The following ROBO2 variants were observed in gnomAD, a reference collection of about 807,000 sequenced individuals.
ROBO2 encodes roundabout guidance receptor 2, also known as roundabout homolog 2.
In ROBO2, 53 loss-of-function variants were observed where a neutral mutation model predicts 160.8. The ratio of observed to expected loss-of-function variants is 0.33; its 90% CI spans 0.26 to 0.41. The LOEUF (loss-of-function observed/expected upper bound fraction) is 0.41. ROBO2 is among the 10% of genes least tolerant of loss of function. The probability of loss-of-function intolerance (pLI) is 1.00; values close to 1 mark genes in which losing one functional copy is unlikely to be tolerated. For missense variants in ROBO2, 1,577 were observed against 1,722.4 expected (o/e 0.92, Z 1.49); for synonymous variants, 664 against 611.7 (o/e 1.09, Z -1.26).
intron 2 of ROBO2, among the ~76,000 whole-genome samples, chr3:76,650,267 G>A (rs17745164): frequency 0.2 from 30,984 of 152,036 alleles, 3,328 homozygotes; most frequent in Middle Eastern, 0.23. Flanking sequence ...TACAATGACC[G>A]CCTGTTTGTA....
intron 2 of ROBO2, among the ~76,000 whole-genome samples, chr3:77,249,084 T>C (rs2090069746): frequency 1.3e-5 from 2 of 152,050 alleles, no homozygotes; most frequent in South Asian, 2.1e-4. Context: ...ACTCCCGACC[T>C]CAGGTGATCC....
intron 2 of ROBO2, among the ~76,000 whole-genome samples, chr3:76,123,548 T>C (rs2070840743): frequency 1.3e-5 from 2 of 152,312 alleles, no homozygotes; most frequent in African/African-American, 4.8e-5. Flanking sequence ...AACTGGTTTA[T>C]GGAAATATTA....
intron 2 of ROBO2, among the ~76,000 whole-genome samples, chr3:76,114,135 T>C (rs917691293): frequency 6.6e-6 from 1 of 152,160 alleles, no homozygotes. Flanking sequence ...TGGAACAACA[T>C]ACCTCATGAC....
intron 2 of ROBO2, among the ~76,000 whole-genome samples, chr3:76,985,571 G>A (rs1280120309): frequency 6.9e-4 from 50 of 72,502 alleles, no homozygotes; most frequent in African/African-American, 3.3e-3. Flanking sequence ...GCGAGACTCC[G>A]TCTGAAAAAA....
intron 2 of ROBO2, among the ~76,000 whole-genome samples, chr3:75,989,500 C>T (rs2065506192): frequency 6.6e-6 from 1 of 152,012 alleles, no homozygotes; most frequent in South Asian, 2.1e-4. Flanking sequence ...AAACACAGCT[C>T]AAAAATGACT....
intron 2 of ROBO2, among the ~76,000 whole-genome samples, chr3:76,881,811 T>C (rs2073362220): frequency 6.6e-6 from 1 of 152,220 alleles, no homozygotes; most frequent in South Asian, 2.1e-4. Context: ...TGGCAGAATG[T>C]GTGGAGGCCA....
intron 13 of ROBO2, among the ~76,000 whole-genome samples, chr3:77,572,167 G>T (rs2093653747): frequency 6.6e-6 from 1 of 151,948 alleles, no homozygotes; most frequent in South Asian, 2.1e-4. Flanking sequence ...AACACAGCTT[G>T]CTTCTTTCAG....
At chr3:76,770,745 A>G (rs911460800) in intron 2 of ROBO2, among the ~76,000 whole-genome samples, 4 of 151,382 alleles carry the variant, frequency 2.6e-5, no homozygotes, top group South Asian at 2.1e-4. Context: ...TCAAAGGACC[A>G]TAAGTCTAAA....
chr3:77,454,557 C>G (rs2153565309), intron 2 of ROBO2, among the ~76,000 whole-genome samples: 1 of 152,318 alleles, frequency 6.6e-6, no homozygotes, highest in African/African-American at 2.4e-5. Flanking sequence ...TGTGACATCA[C>G]TCTAACTCTC....
intron 2 of ROBO2, among the ~76,000 whole-genome samples, chr3:77,420,036 A>G (rs1001037225): frequency 6.6e-6 from 1 of 152,162 alleles, no homozygotes; most frequent in African/African-American, 2.4e-5. Context: ...AATACCAAAT[A>G]CCTGAGAACC....
At chr3:75,945,026 G>A (rs1235891259) in intron 2 of ROBO2, among the ~76,000 whole-genome samples, 1 of 152,014 alleles carries the variant, frequency 6.6e-6, no homozygotes, top group Admixed American at 6.6e-5. Flanking sequence ...TATAATGCTG[G>A]TTTGTGTCTT....
rs571582819 is a variant in ROBO2 at position 76,526,726 on chromosome 3, G to A, written c.110-571288G>A. Among the ~76,000 whole-genome samples, 5 of 152,092 alleles carry A rather than the reference G, an allele frequency of 3.3e-5. No homozygotes were observed. In the South Asian group the frequency reaches 1.0e-3, roughly 32 times the overall value. On this transcript the variant is annotated intron_variant, in intron 2 of 26. Transcript: ENST00000487694. ...AACTCAACACAAACCATTTATAGGAGTAAACAATTATCACTGAAATGAGAA... is the reference window on the plus strand; with the variant it reads ...AACTCAACACAAACCATTTATAGGAATAAACAATTATCACTGAAATGAGAA...
chr3:77,329,503 A>T (rs2065777078), intron 2 of ROBO2, among the ~76,000 whole-genome samples: 1 of 152,204 alleles, frequency 6.6e-6, no homozygotes, highest in South Asian at 2.1e-4. Flanking sequence ...TGCACCATTT[A>T]TGAAACATAA....
intron 2 of ROBO2, among the ~76,000 whole-genome samples, chr3:76,054,124 A>AT (rs1392946923): frequency 6.6e-6 from 1 of 152,088 alleles, no homozygotes; most frequent in African/African-American, 2.4e-5. Flanking sequence ...TGAGAGTTAT[A>AT]TTTTTACTTG....
intron 2 of ROBO2, among the ~76,000 whole-genome samples, chr3:76,042,857 A>G (rs1294295434): frequency 1.3e-5 from 2 of 152,032 alleles, no homozygotes; most frequent in Non-Finnish European, 2.9e-5. Flanking sequence ...GCTCAAATCA[A>G]TCACGACCCT....
chr3:77,311,116 G>A (rs547966099), intron 2 of ROBO2, among the ~76,000 whole-genome samples: 1 of 152,136 alleles, frequency 6.6e-6, no homozygotes, highest in South Asian at 2.1e-4. Flanking sequence ...ATCAATTTTG[G>A]TAATAAGAGA....
intron 5 of ROBO2, among the ~76,000 whole-genome samples, chr3:77,505,722 A>G (rs964037430): frequency 7.2e-5 from 11 of 152,136 alleles, no homozygotes; most frequent in Admixed American, 7.2e-4. Context: ...TTCCTTAGAA[A>G]TAACTCATTT....
chr3:77,152,650 C>T (rs1377835576), intron 2 of ROBO2, among the ~76,000 whole-genome samples: 3 of 152,148 alleles, frequency 2.0e-5, no homozygotes, highest in African/African-American at 7.2e-5. Context: ...AACAAGATCC[C>T]GAAGTTACTG....
chr3:76,136,198 G>A (rs1417047510), intron 2 of ROBO2, among the ~76,000 whole-genome samples: 3 of 152,010 alleles, frequency 2.0e-5, no homozygotes, highest in African/African-American at 7.2e-5. Flanking sequence ...CATAATACTC[G>A]CTGATGGTTT....
Sources: allele counts gnomAD v4.1 joint callset (sites outside exome capture counted in the v4.1 genomes callset), GRCh38; gene constraint gnomAD v4.1.1; transcripts MANE v1.5; gene names NCBI Gene and HGNC (gene_info 2026-07-23, HGNC 2026-07-21).